FAM20C: variants seen among roughly 807,000 people sequenced by gnomAD.
FAM20C encodes FAM20C golgi associated secretory pathway kinase, also known as extracellular serine/threonine protein kinase FAM20C.
FAM20C carries 40 observed loss-of-function variants against 51.5 expected under a neutral mutation model. The observed-to-expected ratio is 0.78, with a 90% CI of 0.60 to 1.01. The LOEUF (loss-of-function observed/expected upper bound fraction) is 1.01, where lower values mean the gene tolerates loss of function less well. FAM20C is among the 50% of genes least tolerant of loss of function. The pLI, the probability that FAM20C is intolerant of heterozygous loss-of-function variation, is 0.00. For synonymous variants in FAM20C, 406 were observed against 380.6 expected, an observed-to-expected ratio of 1.07 and a Z score of -0.78; for missense variants, 861 against 844.7, an observed-to-expected ratio of 1.02 and a Z score of -0.24.
chr7:222,600 C>T (rs1485983410), intron 3 of FAM20C, among the ~76,000 whole-genome samples: 1 of 152,120 alleles, frequency 6.6e-6, no homozygotes, highest in African/African-American at 2.4e-5. Context: ...GGTGAAGGGA[C>T]AGGCCCTGAG....
intron 2 of FAM20C, among the ~76,000 whole-genome samples, chr7:196,167 T>G (rs1785861081): frequency 6.6e-6 from 1 of 152,198 alleles, no homozygotes; most frequent in African/African-American, 2.4e-5. Context: ...ATGAGCCTGC[T>G]TCTTGTGGTT....
chr7:229,126 G>A (rs970768177), intron 3 of FAM20C: 24 of 332,882 alleles, frequency 7.2e-5, no homozygotes, highest in Middle Eastern at 1.1e-3. Context: ...GGCCCTTCAC[G>A]TCCAGATGAG....
chr7:198,079 T>C (rs1785965378), intron 2 of FAM20C, among the ~76,000 whole-genome samples: 1 of 152,154 alleles, frequency 6.6e-6, no homozygotes, highest in African/African-American at 2.4e-5. Context: ...CCCCAGCTGA[T>C]CTCGCTCGCT....
intron 5 of FAM20C, among the ~76,000 whole-genome samples, chr7:249,615 C>G (rs1435136187): frequency 6.6e-6 from 1 of 152,306 alleles, no homozygotes; most frequent in East Asian, 1.9e-4. Flanking sequence ...TGGCGCTTAT[C>G]TGTGGTCCCA....
intron 3 of FAM20C, among the ~76,000 whole-genome samples, chr7:211,887 G>T (rs548537795): frequency 1.2e-4 from 19 of 152,220 alleles, no homozygotes; most frequent in Non-Finnish European, 1.8e-4. Context: ...GCGGGCGGGC[G>T]TGTGCGAACC....
chr7:214,740 C>T (rs892988408), intron 3 of FAM20C, among the ~76,000 whole-genome samples: 3 of 152,170 alleles, frequency 2.0e-5, no homozygotes, highest in Non-Finnish European at 4.4e-5. Context: ...ACTGGCTTTC[C>T]AGCTTGGAGA....
intron 2 of FAM20C, 102 bp from the exon 3 acceptor site, chr7:208,796 T>C (rs1475754822): frequency 1.7e-6 from 2 of 1,198,534 alleles, no homozygotes; most frequent in Non-Finnish European, 2.4e-6. Flanking sequence ...CCCTGGACCA[T>C]GCCCAGAGGA....
At chr7:253,577 T>C (rs766926604) in intron 5 of FAM20C, among the ~76,000 whole-genome samples, 5 of 152,208 alleles carry the variant, frequency 3.3e-5, no homozygotes, top group Non-Finnish European at 5.9e-5. Flanking sequence ...AGGGCAGCCT[T>C]CGTTACCTGG....
intron 7 of FAM20C, 100 bp from the exon 8 acceptor site, chr7:256,905 A>G (rs1788611547): frequency 6.9e-7 from 1 of 1,441,296 alleles, no homozygotes; most frequent in Non-Finnish European, 9.4e-7. Context: ...CTTAGAGGTC[A>G]CGCTGGCAGG....
chr7:229,978 GA>G (rs1787594635), intron 3 of FAM20C, among the ~76,000 whole-genome samples: 1 of 152,172 alleles, frequency 6.6e-6, no homozygotes, highest in Admixed American at 6.5e-5. Flanking sequence ...AAATGGGATA[GA>G]AAGATGGGGT....
intron 9 of FAM20C, among the ~76,000 whole-genome samples, chr7:258,919 G>C (rs369925638): frequency 6.5e-4 from 99 of 152,186 alleles, no homozygotes; most frequent in Non-Finnish European, 5.7e-4. Context: ...CATCCAGCTC[G>C]AGCCCCCTCG....
intron 3 of FAM20C, among the ~76,000 whole-genome samples, chr7:245,677 A>G (rs1280015896): frequency 6.6e-6 from 1 of 152,234 alleles, no homozygotes; most frequent in Non-Finnish European, 1.5e-5. Context: ...CCATGACCAC[A>G]TCGGTCAAAC....
Position 251,161 on chromosome 7 carries a change from G to T in FAM20C, c.1072+2731G>T, listed in dbSNP as rs149919664. Among the ~76,000 whole-genome samples, 835 of 137,020 alleles carry T rather than the reference G, an allele frequency of 6.1e-3. 9 individuals carry two copies. Among genetic ancestry groups the T allele is most frequent in the African/African-American group, 0.019 (771 of 40,024 alleles). The allele number at this position is 137,020 out of a possible 152,430, so 89.9% of individuals were successfully genotyped here. On this transcript the variant is annotated intron_variant, in intron 5 of 9. Coordinates refer to ENST00000313766, the MANE Select transcript of FAM20C (RefSeq NM_020223.4). ...AAGGTCTTACTGAGTGGCCGGGCAC[G>T]GCGGCTCACGCCTGCACTGAGTGGC...
At chr7:246,388 G>A (rs975733186) in intron 3 of FAM20C, 27 bp from the exon 4 acceptor site, 24 of 1,500,464 alleles carry the variant, frequency 1.6e-5, no homozygotes, top group Admixed American at 4.0e-5. Context: ...GTGACAAACC[G>A]TTTCTGTTTC....
intron 3 of FAM20C, among the ~76,000 whole-genome samples, chr7:211,883 G>A (rs900631542): frequency 4.6e-5 from 7 of 152,202 alleles, no homozygotes; most frequent in African/African-American, 1.7e-4. Context: ...TCAGGCGGGC[G>A]GGCGTGTGCG....
At chr7:208,754 A>G (rs928211125) in intron 2 of FAM20C, 144 bp from the exon 3 acceptor site, 6 of 731,872 alleles carry the variant, frequency 8.2e-6, no homozygotes, top group South Asian at 7.6e-5. Context: ...GCTTCACTGC[A>G]GAAAACTCAA....
At chr7:231,996 C>T (rs1289123867) in intron 3 of FAM20C, among the ~76,000 whole-genome samples, 3 of 152,188 alleles carry the variant, frequency 2.0e-5, no homozygotes, top group Admixed American at 6.5e-5. Flanking sequence ...TGGTCTCTGC[C>T]GCCGACCCGG....
At chr7:200,274 G>A (rs1420868317) in intron 2 of FAM20C, among the ~76,000 whole-genome samples, 1 of 134,236 alleles carries the variant, frequency 7.4e-6, no homozygotes, top group Non-Finnish European at 1.6e-5. Flanking sequence ...CCAGGGCCTC[G>A]CTCGGCCGGC....
intron 3 of FAM20C, among the ~76,000 whole-genome samples, chr7:242,905 A>G (rs989421044): frequency 2.6e-5 from 4 of 152,304 alleles, no homozygotes; most frequent in East Asian, 1.9e-4. Flanking sequence ...GGACCTGGCC[A>G]GGGCGAGAAC....
Sources: gnomAD v4.1 joint callset for allele counts (sites outside exome capture counted in the v4.1 genomes callset) on GRCh38, gnomAD v4.1.1 for gene constraint, MANE v1.5 for transcripts, NCBI Gene and HGNC (gene_info 2026-07-23, HGNC 2026-07-21) for gene names.